PLOD3: variants seen among roughly 807,000 people sequenced by gnomAD.
PLOD3 encodes the protein procollagen-lysine,2-oxoglutarate 5-dioxygenase 3, also known as multifunctional procollagen lysine hydroxylase and glycosyltransferase LH3.
Under a neutral mutation model 96.9 loss-of-function variants are expected in PLOD3, and 73 were observed. The ratio of observed to expected loss-of-function variants is 0.75; its 90% CI spans 0.62 to 0.92. The LOEUF is 0.92. PLOD3 is among the 40% of genes least tolerant of loss of function. PLOD3 has a pLI of 0.00. For synonymous variants in PLOD3, 454 were observed against 413.7 expected, an observed-to-expected ratio of 1.10 and a Z score of -1.18; for missense variants, 1,004 against 1,004.3, an observed-to-expected ratio of 1.00 and a Z score of 0.00.
chr7:101,213,862 C>T (rs1181026961), intron 6 of PLOD3, among the ~76,000 whole-genome samples: 1 of 151,996 alleles, frequency 6.6e-6, no homozygotes, highest in Admixed American at 6.6e-5. Flanking sequence ...CCATGCCCGG[C>T]TAATTTTTGT....
At chr7:101,212,764 G>GCC in intron 8 of PLOD3, 78 bp downstream of exon 8, 2 of 1,523,634 alleles carry the variant, frequency 1.3e-6, no homozygotes, top group Non-Finnish European at 1.8e-6. Flanking sequence ...TGCCCCCACC[G>GCC]CCCCCCAGTC....
In PLOD3 at chr7:101,216,168, G is replaced by A; in HGVS notation, c.497C>T (p.Ser166Phe). The change falls in exon 4 of 19, where the codon TCT (serine) becomes TTT (phenylalanine). Residue 166 changes from serine (S) to phenylalanine (F), a missense_variant. Ser to Phe is a radical substitution (Grantham distance 155). This residue lies in a region of PLOD3 where 690 missense variants were observed against 650.2 expected (regional missense o/e 1.06). Coordinates refer to ENST00000223127, the MANE Select transcript of PLOD3 (RefSeq NM_001084.5). ...TTGGGCACTCTGCCACTCACCACCA[G>A]AATTGAGGAAGCGCTTCCCCGTGCC... ...EVGTGKRFLNSGGFIGFATTI... is the reference protein window; with the variant it reads ...EVGTGKRFLNFGGFIGFATTI... The A allele has an allele frequency of 6.2e-7, 1 of 1,614,024 alleles. No individual in the cohort carries two copies. Among genetic ancestry groups the A allele is most frequent in the Non-Finnish European group, 8.5e-7 (1 of 1,180,014 alleles).
chr7:101,215,118 C>T lies in PLOD3; in HGVS notation c.650G>A (p.Arg217Gln), dbSNP rs200249528. ...AGCCCCGTTGAGGTTCTGAAAGATC[C>T]GAGACTTATGATCCAGATTAAGGCT... is the stretch of plus-strand genomic sequence containing the variant. ...KLSLNLDHKSRIFQNLNGALD... is the reference protein window; with the variant it reads ...KLSLNLDHKSQIFQNLNGALD... Residue 217 changes from arginine (R) to glutamine (Q), a missense_variant, in exon 6 of 19, where the codon CGG (arginine) becomes CAG (glutamine). By Grantham distance (43) the Arg-to-Gln change is conservative (BLOSUM62 1). Coordinates refer to ENST00000223127, the MANE Select transcript of PLOD3 (RefSeq NM_001084.5). The T allele has an allele frequency of 9.3e-6, 15 of 1,613,488 alleles. No individual in the cohort carries two copies. Among genetic ancestry groups the T allele is most frequent in the East Asian group, 4.5e-5 (2 of 44,902 alleles).
intron 12 of PLOD3, 50 bp downstream of exon 12, chr7:101,211,541 C>T: frequency 6.4e-7 from 1 of 1,568,192 alleles, no homozygotes; most frequent in African/African-American, 1.3e-5. Flanking sequence ...TTGGGTCTAC[C>T]TGGGCCCCGG....
At chr7:101,208,023 C>T (rs1380439060) in intron 16 of PLOD3, among the ~76,000 whole-genome samples, 1 of 152,210 alleles carries the variant, frequency 6.6e-6, no homozygotes, top group Non-Finnish European at 1.5e-5. Context: ...GTGGCTGCTG[C>T]TCACAGCAGG....
At position 101,216,679 on chromosome 7, in the gene PLOD3, C is replaced by G. The variant is rs749083245; in HGVS notation, c.201+16G>C. On this transcript the variant is annotated intron_variant, in intron 2 of 18. Transcript: ENST00000223127. ...CCTGCTGGGACCCCCTCCCAGGGGC[C>G]TTTCCCTCTCCTCACCCGCACAGTG... is the stretch of plus-strand genomic sequence containing the variant. 3.1e-6 allele frequency: 5 copies of G among 1,611,760 alleles called. No individual in the cohort carries two copies. The highest frequency in any genetic ancestry group is 1.1e-5 in the South Asian group (1 of 91,042).
intron 12 of PLOD3, 108 bp from the exon 13 acceptor site, chr7:101,210,781 A>T: frequency 8.1e-7 from 1 of 1,240,658 alleles, no homozygotes; most frequent in Non-Finnish European, 1.1e-6. Context: ...CCTGAACATA[A>T]GGCCCCTGCA....
chr7:101,214,613 G>A lies in PLOD3; in HGVS notation c.679+476C>T, dbSNP rs899396355. On this transcript the variant is annotated intron_variant, in intron 6 of 18. Transcript: ENST00000223127. ...AGCACTTTGGGAGGTTGAGGCAGGCGGATCACCTGAGGTTGGGAGTTCGAG... is the reference window on the plus strand; with the variant it reads ...AGCACTTTGGGAGGTTGAGGCAGGCAGATCACCTGAGGTTGGGAGTTCGAG... 1.1e-3 allele frequency among the ~76,000 whole-genome samples: 160 copies of A among 152,200 alleles called. 1 individual carries two copies. The highest frequency in any genetic ancestry group is 2.4e-3 in the Admixed American group (36 of 15,278).
At chr7:101,211,811 G>A (rs1295488376) in intron 11 of PLOD3, 35 bp downstream of exon 11, 4 of 1,588,518 alleles carry the variant, frequency 2.5e-6, no homozygotes, top group Admixed American at 3.5e-5. Flanking sequence ...GCCTGTTGGG[G>A]TGCCCTCCGG....
At position 101,216,424 on chromosome 7, in the gene PLOD3, G is replaced by A; in HGVS notation, c.324C>T (p.Ile108=). The change falls in exon 3 of 19, where the codon ATC becomes ATT. Residue 108 remains isoleucine (I), a synonymous_variant. Transcript: ENST00000223127. Reference sequence around the variant, plus strand: ...AGCCCCGTTACCTATCCACAAACATGATGATCATATCCTCCCGGTCAGCGT... The same window carrying A: ...AGCCCCGTTACCTATCCACAAACATAATGATCATATCCTCCCGGTCAGCGT... ...EKYADREDMI[I]MFVDSYDVIL... 2 of 1,614,124 alleles carry A rather than the reference G, an allele frequency of 1.2e-6. No individual in the cohort carries two copies. The highest frequency in any genetic ancestry group is 8.5e-7 in the Non-Finnish European group (1 of 1,180,004).
intron 6 of PLOD3, chr7:101,213,414 C>T: frequency 1.6e-6 from 1 of 612,070 alleles, no homozygotes; most frequent in East Asian, 2.8e-5. Flanking sequence ...CGTGATCACA[C>T]CGCAGCTGGG....
intron 16 of PLOD3, 149 bp downstream of exon 16, chr7:101,208,704 T>C: frequency 1.5e-6 from 1 of 674,124 alleles, no homozygotes; most frequent in Non-Finnish European, 2.7e-6. Context: ...ATTTCTTGAA[T>C]ACATGAATGA....
chr7:101,207,623 A>C lies in PLOD3; in HGVS notation c.1890T>G (p.Tyr630Ter), dbSNP rs748105435. 19 of 1,614,026 alleles carry C rather than the reference A, an allele frequency of 1.2e-5. No homozygotes were observed. In the East Asian group the frequency reaches 4.0e-4, roughly 34 times the overall value. ...ACAGGCTCTCGGTCATGGGGCCCAC[A>C]TACGTCCGCAGCAGCTGCAGCCACT... ...EDQWLQLLRT[Y>*]VGPMTESLFP... Residue 630 changes from tyrosine (Y) to a stop codon, truncating the protein, a stop_gained, in exon 17 of 19, where the codon TAT becomes TAG. Transcript: ENST00000223127. LOFTEE classifies it high-confidence loss of function.
chr7:101,209,744 T>C (rs1798152003), intron 15 of PLOD3: 1 of 228,142 alleles, frequency 4.4e-6, no homozygotes, highest in Non-Finnish European at 8.6e-6. Context: ...TCTCGCTATG[T>C]TGCCCAGGCT....
Position 101,210,098 on chromosome 7 carries a change from C to T in PLOD3, c.1678G>A (p.Glu560Lys). ...SRALEGEGIV[E>K]QPCPDVYWFP... is the part of the protein sequence containing the mutation. ...GGGAGGCTGCGTGGGCTCACCTGCT[C>T]CACGATTCCTTCCCCTTCCAGGGCC... is the stretch of plus-strand genomic sequence containing the variant. Residue 560 changes from glutamate to lysine, a missense_variant, in exon 15 of 19, where the codon GAG becomes AAG. Transcript: ENST00000223127. 6.3e-7 allele frequency: 1 copy of T among 1,594,718 alleles called. No individual in the cohort carries two copies. Among genetic ancestry groups the T allele is most frequent in the Non-Finnish European group, 8.5e-7 (1 of 1,170,640 alleles).
rs768551448 is a variant in PLOD3, at chr7:101,213,172, C to A, written c.712G>T (p.Val238Leu). Residue 238 changes from valine to leucine, a missense_variant, in exon 7 of 19, where the codon GTG becomes TTG. This residue lies in a region of PLOD3 where 690 missense variants were observed against 650.2 expected (regional missense o/e 1.06). Coordinates refer to ENST00000223127, the MANE Select transcript of PLOD3 (RefSeq NM_001084.5). ...TCGTAGGCCACGTTCCGGATACGCA[C>A]ACGGTTCCGATCAAACTTTAAAACC... ...EVVLKFDRNRVRIRNVAYDTL... is the reference protein window; with the variant it reads ...EVVLKFDRNRLRIRNVAYDTL... 7 of 1,613,672 alleles carry A rather than the reference C, an allele frequency of 4.3e-6. No individual in the cohort carries two copies. In the African/African-American group the frequency reaches 9.3e-5, roughly 22 times the overall value.
intron 6 of PLOD3, 134 bp downstream of exon 6, chr7:101,214,955 G>T: frequency 1.3e-6 from 1 of 774,418 alleles, no homozygotes; most frequent in Non-Finnish European, 2.4e-6. Context: ...TACACAACCA[G>T]CCACTCAGAC....
In PLOD3 at chr7:101,210,396, C is replaced by T. The variant is rs1798162549; in HGVS notation, c.1549G>A (p.Ala517Thr). ...TGCTCCGTGTCGTATCTGGAAGTGG[C>T]CAGGAGCCGGCCAAATTCATGCTGA... is the stretch of plus-strand genomic sequence containing the variant. ...SNQHEFGRLL[A>T]TSRYDTEHLH... The change falls in exon 14 of 19, where the codon GCC becomes ACC. Residue 517 changes from alanine (A) to threonine (T), a missense_variant. Ala to Thr is a moderately conservative substitution (Grantham distance 58, BLOSUM62 0). This residue lies in a region of PLOD3 where 23 missense variants were observed against 45.7 expected (regional missense o/e 0.50). Transcript: ENST00000223127. The T allele has an allele frequency of 6.2e-7, 1 of 1,614,022 alleles. No individual in the cohort carries two copies. The highest frequency in any genetic ancestry group is 8.5e-7 in the Non-Finnish European group (1 of 1,180,022).
intron 6 of PLOD3, among the ~76,000 whole-genome samples, chr7:101,214,435 T>C (rs1798236334): frequency 1.3e-5 from 2 of 152,102 alleles, no homozygotes; most frequent in African/African-American, 4.8e-5. Flanking sequence ...CTGGCCTCTC[T>C]CTCTCCCCGT....
Sources: gnomAD v4.1 joint callset for allele counts (sites outside exome capture counted in the v4.1 genomes callset) on GRCh38, gnomAD v4.1.1 for gene constraint, gnomAD v4.1.1 regional missense constraint, MANE v1.5 for transcripts, NCBI Gene and HGNC (gene_info 2026-07-23, HGNC 2026-07-21) for gene names.